The following GGTA1 variants were observed in gnomAD, a reference collection of about 807,000 sequenced individuals.
The protein encoded by GGTA1 is inactive N-acetyllactosaminide alpha-1,3-galactosyltransferase.
GGTA1 carries 5 observed loss-of-function variants against 2.6 expected under a neutral mutation model. The ratio of observed to expected loss-of-function variants is 1.92; its 90% CI spans 1.00 to 4.04. GGTA1 has a LOEUF of 4.04. GGTA1 is among the 30% of genes most tolerant of loss of function. The pLI is 0.00. For missense variants in GGTA1, 50 were observed against 16.7 expected (o/e 2.99, Z -3.47); for synonymous variants, 17 against 5.0 (o/e 3.38, Z -3.19).
downstream of GGTA1, among the ~76,000 whole-genome samples, chr9:121,454,083 C>T (rs948381210): frequency 6.6e-6 from 1 of 152,126 alleles, no homozygotes; most frequent in Non-Finnish European, 1.5e-5. Flanking sequence ...AGATGGCAGA[C>T]AGGGGAAACA....
chr9:121,488,684 T>C (rs549774806), intron 1 of GGTA1, among the ~76,000 whole-genome samples: 12 of 151,980 alleles, frequency 7.9e-5, no homozygotes, highest in Admixed American at 3.3e-4. Context: ...TCCATTGCAT[T>C]CCAGCCTGGG....
At chr9:121,481,525 A>G (rs949780326) in intron 1 of GGTA1, among the ~76,000 whole-genome samples, 19 of 151,692 alleles carry the variant, frequency 1.3e-4, no homozygotes, top group Non-Finnish European at 2.2e-4. Flanking sequence ...TCTACTAAAA[A>G]TACAAAAATT....
intron 1 of GGTA1, among the ~76,000 whole-genome samples, chr9:121,471,932 C>A (rs574330750): frequency 1.3e-5 from 2 of 152,298 alleles, no homozygotes; most frequent in South Asian, 4.1e-4. Flanking sequence ...CTCTCTGTGC[C>A]GATGTCCTCA....
At chr9:121,445,107 TA>T (rs1392663349) in exon 8 of GGTA1, 2 of 152,202 alleles carry the variant, frequency 1.3e-5, no homozygotes, top group Admixed American at 1.3e-4. Context: ...TGAAGTTTTT[TA>T]AAAAAATCAA....
At chr9:121,463,234 G>A (rs2064975343) in intron 3 of GGTA1, 59 bp downstream of exon 3, 18 of 453,938 alleles carry the variant, frequency 4.0e-5, no homozygotes, top group South Asian at 2.8e-4. Flanking sequence ...TGGACTGTAG[G>A]GGGTGCCAGA....
intron 1 of GGTA1, among the ~76,000 whole-genome samples, chr9:121,486,809 TA>T (rs1828764873): frequency 6.6e-6 from 1 of 152,186 alleles, no homozygotes; most frequent in Non-Finnish European, 1.5e-5. Flanking sequence ...CCAGCATGAG[TA>T]AAAACAAATG....
intron 1 of GGTA1, among the ~76,000 whole-genome samples, chr9:121,493,606 TCTTA>T (rs1179506246): frequency 6.6e-6 from 1 of 151,946 alleles, no homozygotes; most frequent in Non-Finnish European, 1.5e-5. Flanking sequence ...CCCTCGGGGG[TCTTA>T]CTGTCAACCC....
At chr9:121,462,357 G>GAAAT (rs2064967335) in intron 3 of GGTA1, among the ~76,000 whole-genome samples, 1 of 151,920 alleles carries the variant, frequency 6.6e-6, no homozygotes, top group African/African-American at 2.4e-5. Context: ...AGAAAAGAAA[G>GAAAT]AAAAGAAAAG....
downstream of GGTA1, among the ~76,000 whole-genome samples, chr9:121,452,568 G>A (rs1022415219): frequency 2.0e-5 from 3 of 151,824 alleles, no homozygotes; most frequent in Admixed American, 1.3e-4. Context: ...ACCCAGGCTG[G>A]AGTGCAGTGG....
rs1828504666 is a variant in GGTA1, at chr9:121,476,192, A to T, written c.-9-8261T>A. Among the ~76,000 whole-genome samples the T allele has an allele frequency of 6.6e-6, 1 of 152,174 alleles. No homozygotes were observed. The highest frequency in any genetic ancestry group is 6.5e-5 in the Admixed American group (1 of 15,276). ...CTTGATGGGCAGCATCTCTCAGAAC[A>T]GTCAGGAGCGAGTCCACACGCCAAC... On this transcript the variant is annotated intron_variant, in intron 1 of 5. Transcript: ENST00000481799. This position sits in a 1 kb window ranked among gnomAD's most constrained non-coding sequence, Gnocchi z 4.6.
At chr9:121,478,919 C>T (rs1828574226) in intron 1 of GGTA1, 1 of 384,992 alleles carries the variant, frequency 2.6e-6, no homozygotes, top group Non-Finnish European at 5.0e-6. Flanking sequence ...GAGGGCTCTG[C>T]CTCCATCCAT....
chr9:121,460,291 T>C (rs747757130), intron 4 of GGTA1, 72 bp from the exon 5 acceptor site: 12 of 451,386 alleles, frequency 2.7e-5, no homozygotes, highest in Non-Finnish European at 5.3e-5. Flanking sequence ...CTGGTGAATA[T>C]CTTGTGGAAA....
chr9:121,492,695 A>G (rs937492009), intron 1 of GGTA1, among the ~76,000 whole-genome samples: 1 of 151,670 alleles, frequency 6.6e-6, no homozygotes, highest in Admixed American at 6.6e-5. Context: ...GCTGGTCTTG[A>G]ACTCCCTACC....
At position 121,461,268 on chromosome 9, in the gene GGTA1, T is replaced by C. The variant is rs1039843526; in HGVS notation, c.166A>G (p.Ser56Gly). 2.2e-6 allele frequency: 1 copy of C among 456,478 alleles called. No individual in the cohort carries two copies. The highest frequency in any genetic ancestry group is 2.0e-5 in the African/African-American group (1 of 50,050). The allele number at this position is 456,478 out of a possible 1,614,324, so 28.3% of individuals were successfully genotyped here. A position where few individuals can be genotyped will look rare whatever the true frequency, so the allele number is the denominator to read the frequency against. ...TCGCCTTACCCATTGTTAAACCAGC[T>C]CAGAAACCACCAGCCCTTCTGAGCA... ...SSAQKGWWFL[S>G]WFNNGIHNYQ... The change falls in exon 4 of 6, where the codon AGC (serine) becomes GGC (glycine). Residue 56 changes from serine (S) to glycine (G), a missense_variant. Coordinates refer to ENST00000481799, the MANE Select transcript of GGTA1 (RefSeq NM_001382585.1).
chr9:121,453,040 A>C (rs2064886344), downstream of GGTA1, among the ~76,000 whole-genome samples: 1 of 152,202 alleles, frequency 6.6e-6, no homozygotes, highest in African/African-American at 2.4e-5. Flanking sequence ...CGGATGAGAG[A>C]GTGACATTAG....
At chr9:121,459,423 A>G (rs1412260511) in intron 5 of GGTA1, among the ~76,000 whole-genome samples, 1 of 152,192 alleles carries the variant, frequency 6.6e-6, no homozygotes, top group Non-Finnish European at 1.5e-5. Context: ...GTGACAGAGC[A>G]AGATCCTGTC....
intron 7 of GGTA1, among the ~76,000 whole-genome samples, chr9:121,448,851 G>T (rs1279332613): frequency 2.6e-5 from 4 of 152,114 alleles, no homozygotes; most frequent in African/African-American, 4.8e-5. Flanking sequence ...TTACATTAGG[G>T]TTCACTCTTG....
At chr9:121,454,297 T>A (rs1458587793), downstream of GGTA1, among the ~76,000 whole-genome samples, 1 of 152,216 alleles carries the variant, frequency 6.6e-6, no homozygotes, top group Non-Finnish European at 1.5e-5. Flanking sequence ...ATTTAGTCTC[T>A]GCAACAGCCC....
intron 1 of GGTA1, among the ~76,000 whole-genome samples, chr9:121,482,425 C>T (rs1199780630): frequency 6.6e-6 from 1 of 151,864 alleles, no homozygotes; most frequent in Non-Finnish European, 1.5e-5. Context: ...CAATATTGCA[C>T]CATTGCACTC....
Sources: gnomAD v4.1 joint callset for allele counts (sites outside exome capture counted in the v4.1 genomes callset) on GRCh38, gnomAD v4.1.1 for gene constraint, Gnocchi (gnomAD v3.1) non-coding constraint, MANE v1.5 for transcripts, NCBI Gene and HGNC (gene_info 2026-07-23, HGNC 2026-07-21) for gene names.